KIF13B: variants seen among roughly 807,000 people sequenced by gnomAD.
KIF13B encodes kinesin-like protein KIF13B.
KIF13B carries 127 observed loss-of-function variants against 222.0 expected under a neutral mutation model. The ratio of observed to expected loss-of-function variants is 0.57; its 90% CI spans 0.50 to 0.66. The LOEUF is 0.66. KIF13B is among the 30% of genes least tolerant of loss of function. KIF13B has a pLI of 0.00. For synonymous variants in KIF13B, 976 were observed against 919.0 expected (o/e 1.06, Z -1.12); for missense variants, 2,173 against 2,379.0 (o/e 0.91, Z 1.80).
intron 1 of KIF13B, among the ~76,000 whole-genome samples, chr8:29,249,127 G>T (rs547651291): frequency 6.6e-6 from 1 of 151,842 alleles, no homozygotes; most frequent in Admixed American, 6.6e-5. Flanking sequence ...CCTTATCTCC[G>T]CTACTAAAAG....
At chr8:29,167,640 T>C (rs766954214) in intron 10 of KIF13B, 55 bp from the exon 11 acceptor site, 75 of 1,410,258 alleles carry the variant, frequency 5.3e-5, no homozygotes, top group Non-Finnish European at 7.1e-5. Context: ...GAAGACGTCA[T>C]ATGAGAAACC....
intron 36 of KIF13B, among the ~76,000 whole-genome samples, chr8:29,093,115 A>G (rs568077884): frequency 2.3e-4 from 35 of 152,322 alleles, no homozygotes; most frequent in African/African-American, 8.4e-4. Context: ...TCTAGTATGC[A>G]GTGTTCCTAT....
chr8:29,142,696 G>C (rs574999807), intron 18 of KIF13B, among the ~76,000 whole-genome samples: 3 of 151,904 alleles, frequency 2.0e-5, no homozygotes, highest in Non-Finnish European at 2.9e-5. Context: ...AAAATTAGCC[G>C]GGTGTGGTGG....
At chr8:29,146,654 C>T (rs180996360) in intron 17 of KIF13B, 114 bp from the exon 18 acceptor site, 5 of 942,000 alleles carry the variant, frequency 5.3e-6, no homozygotes, top group East Asian at 2.6e-5. Context: ...GAGCTTTTTC[C>T]GTGGTCGTCT....
At chr8:29,241,204 G>T (rs998675523) in intron 2 of KIF13B, among the ~76,000 whole-genome samples, 1 of 152,186 alleles carries the variant, frequency 6.6e-6, no homozygotes, top group African/African-American at 2.4e-5. Flanking sequence ...ACCACATCAT[G>T]TATGATTTCA....
In KIF13B at chr8:29,072,107, G is replaced by T. The variant is rs772932097; in HGVS notation, c.4731C>A (p.Thr1577=). 7.3e-7 allele frequency: 1 copy of T among 1,360,614 alleles called. No homozygotes were observed. The highest frequency in any genetic ancestry group is 9.5e-7 in the Non-Finnish European group (1 of 1,053,824). The allele number at this position is 1,360,614 out of a possible 1,614,324, so 84.3% of individuals were successfully genotyped here. A position where few individuals can be genotyped will look rare whatever the true frequency, so the allele number is the denominator to read the frequency against. Residue 1577 remains threonine (T), a synonymous_variant, in exon 39 of 40, where the codon ACC becomes ACA. Transcript: ENST00000524189. ...GYFSHSVSTA[T]LSDALGPGLD... ...GGCCGGGGCCCAGGGCGTCCGACAG[G>T]GTCGCGGTGGAGACGCTGTGGGAGA...
chr8:29,224,889 TACAA>T (rs540700994), intron 2 of KIF13B, among the ~76,000 whole-genome samples: 7 of 152,334 alleles, frequency 4.6e-5, no homozygotes, highest in Admixed American at 4.6e-4. Flanking sequence ...TACAAATGAA[TACAA>T]ACAGTGAGGA....
At chr8:29,116,688 A>C (rs1809612094) in intron 31 of KIF13B, 143 bp downstream of exon 31, 1 of 652,998 alleles carries the variant, frequency 1.5e-6, no homozygotes, top group Non-Finnish European at 2.6e-6. Flanking sequence ...AAGCATGGGT[A>C]CAGGACAGCA....
intron 17 of KIF13B, 49 bp downstream of exon 17, chr8:29,147,343 G>T: frequency 7.3e-7 from 1 of 1,372,370 alleles, no homozygotes; most frequent in Non-Finnish European, 1.0e-6. Context: ...GTGTGTTAGA[G>T]GTGGCAAGCC....
In KIF13B at chr8:29,132,456, C is replaced by A. The variant is rs770382593; in HGVS notation, c.2794G>T (p.Val932Phe). 1 of 1,515,718 alleles carries A rather than the reference C, an allele frequency of 6.6e-7. No homozygotes were observed. 93.9% of individuals were successfully genotyped at this position (1,515,718 alleles called of 1,614,324 possible). A position where few individuals can be genotyped will look rare whatever the true frequency, so the allele number is the denominator to read the frequency against. Residue 932 changes from valine (V) to phenylalanine (F), a missense_variant, in exon 23 of 40, where the codon GTT (valine) becomes TTT (phenylalanine). Coordinates refer to ENST00000524189, the MANE Select transcript of KIF13B (RefSeq NM_015254.4). ...TCGATAAAGTCTTCGGTGATGTTAA[C>A]AGAAAACTCCTGAAACACAACAGCT... ...VVFDHCNEFS[V>F]NITEDFIEHL... is the part of the protein sequence containing the mutation.
At chr8:29,217,176 C>G (rs1814523136) in intron 2 of KIF13B, among the ~76,000 whole-genome samples, 1 of 152,128 alleles carries the variant, frequency 6.6e-6, no homozygotes, top group African/African-American at 2.4e-5. Flanking sequence ...CTCCCCCACC[C>G]TGTAGAGGAG....
intron 31 of KIF13B, among the ~76,000 whole-genome samples, chr8:29,115,827 G>A (rs968754846): frequency 1.3e-5 from 2 of 152,002 alleles, no homozygotes; most frequent in Non-Finnish European, 1.5e-5. Context: ...TCCTGTCCAC[G>A]GAACTGCATC....
At chr8:29,205,859 G>A (rs1345368029) in intron 2 of KIF13B, among the ~76,000 whole-genome samples, 1 of 151,708 alleles carries the variant, frequency 6.6e-6, no homozygotes, top group Non-Finnish European at 1.5e-5. Flanking sequence ...GAGGCGGGAG[G>A]ATCACTTGAT....
intron 35 of KIF13B, among the ~76,000 whole-genome samples, chr8:29,100,717 T>G (rs1465578101): frequency 6.6e-6 from 1 of 152,206 alleles, no homozygotes; most frequent in African/African-American, 2.4e-5. Context: ...CCCAAAGTGC[T>G]GAGATTACAG....
intron 2 of KIF13B, among the ~76,000 whole-genome samples, chr8:29,239,632 A>C (rs914399665): frequency 2.0e-4 from 31 of 152,096 alleles, no homozygotes; most frequent in African/African-American, 7.2e-4. Context: ...AAACCTCAAC[A>C]TTACACAATA....
intron 2 of KIF13B, among the ~76,000 whole-genome samples, chr8:29,223,263 G>C (rs1814845979): frequency 6.8e-6 from 1 of 147,822 alleles, no homozygotes; most frequent in Admixed American, 6.8e-5. Flanking sequence ...TTGAGCTCAG[G>C]AGGTCAAGGC....
intron 37 of KIF13B, among the ~76,000 whole-genome samples, chr8:29,092,174 G>A (rs1025869566): frequency 2.0e-5 from 3 of 152,156 alleles, no homozygotes; most frequent in South Asian, 2.1e-4. Flanking sequence ...TTTCCAATGG[G>A]GTTCCCATTC....
chr8:29,192,401 A>G (rs1463363), intron 3 of KIF13B, among the ~76,000 whole-genome samples: 7,273 of 152,098 alleles, frequency 0.048, 371 homozygotes, highest in African/African-American at 0.12. Context: ...TTGAAGTTAT[A>G]TATGTTGTTG....
chr8:29,080,497 G>GA (rs1807760422), intron 37 of KIF13B, among the ~76,000 whole-genome samples: 1 of 152,210 alleles, frequency 6.6e-6, no homozygotes. Flanking sequence ...TGAAGCCTGT[G>GA]AACCAGCCTC....
Sources: allele counts gnomAD v4.1 joint callset (sites outside exome capture counted in the v4.1 genomes callset), GRCh38; gene constraint gnomAD v4.1.1; transcripts MANE v1.5; gene names NCBI Gene and HGNC (gene_info 2026-07-23, HGNC 2026-07-21).